Variants in EPHA8 observed in about 807,000 individuals in gnomAD.
The protein encoded by EPHA8 is EPH receptor A8.
Under a neutral mutation model 103.6 loss-of-function variants are expected in EPHA8, and 58 were observed. That is an observed-to-expected ratio of 0.56 (90% confidence interval 0.45 to 0.70). The LOEUF is 0.70. EPHA8 is among the 30% of genes least tolerant of loss of function. The pLI, the probability that EPHA8 is intolerant of heterozygous loss-of-function variation, is 0.00. For synonymous variants in EPHA8, 559 were observed against 572.5 expected (o/e 0.98, Z 0.34); for missense variants, 1,304 against 1,395.2 (o/e 0.93, Z 1.04).
intron 7 of EPHA8, 24 bp from the exon 8 acceptor site, chr1:22,595,206 C>G: frequency 6.3e-7 from 1 of 1,593,628 alleles, no homozygotes; most frequent in Non-Finnish European, 8.6e-7. Flanking sequence ...AGCCTGGTCC[C>G]CCAACCCTGG....
Position 22,598,955 on chromosome 1 carries a change from G to A in EPHA8, c.2296G>A (p.Val766Ile), listed in dbSNP as rs370473123. The A allele has an allele frequency of 4.2e-5, 67 of 1,611,160 alleles. No individual in the cohort carries two copies. The highest frequency in any genetic ancestry group is 8.1e-5 in the African/African-American group (6 of 74,398). Residue 766 changes from valine to isoleucine, a missense_variant, in exon 13 of 17, where the codon GTC becomes ATC. Val to Ile is a conservative substitution (Grantham distance 29, BLOSUM62 3). Coordinates refer to ENST00000166244, the MANE Select transcript of EPHA8 (RefSeq NM_020526.5). The surrounding 1 kb of genome is among the most constrained non-coding windows in gnomAD (Gnocchi z 5.1). The part of the protein sequence containing the change: ...YVHRDLAARN[V>I]LVDSNLVCKV... Reference sequence around the variant, plus strand: ...CCACCGAGACCTGGCCGCCCGCAACGTCCTGGTTGACAGCAACCTGGTCTG... The same window carrying A: ...CCACCGAGACCTGGCCGCCCGCAACATCCTGGTTGACAGCAACCTGGTCTG...
intron 3 of EPHA8, among the ~76,000 whole-genome samples, chr1:22,578,348 GTA>G (rs1462428956): frequency 1.5e-3 from 224 of 150,822 alleles, no homozygotes; most frequent in African/African-American, 4.8e-3. Context: ...ATGCATGTGT[GTA>G]TGTGTGCGTG....
chr1:22,594,898 G>A (rs1257002254), intron 7 of EPHA8, among the ~76,000 whole-genome samples: 7 of 152,200 alleles, frequency 4.6e-5, no homozygotes, highest in African/African-American at 9.7e-5. Flanking sequence ...AGCACACTCC[G>A]TGTTGTCACT....
chr1:22,567,540 T>C lies in EPHA8; in HGVS notation c.95-1749T>C, dbSNP rs1490501760. Among the ~76,000 whole-genome samples, 3 of 151,942 alleles carry C rather than the reference T, an allele frequency of 2.0e-5. No homozygotes were observed. Among genetic ancestry groups the C allele is most frequent in the African/African-American group, 7.3e-5 (3 of 41,362 alleles). On this transcript the variant is annotated intron_variant, in intron 1 of 16. Transcript: ENST00000166244. This position sits in a 1 kb window ranked among gnomAD's most constrained non-coding sequence, Gnocchi z 4.2. ...TGGCCCCTGGGGACCCAGGGAGGAA[T>C]GCAGGGAGGAGCGCGGAGACCCCCT...
Position 22,578,658 on chromosome 1 carries a change from TGA to T in EPHA8, c.823+1780_823+1781del, listed in dbSNP as rs1489040948. Among the ~76,000 whole-genome samples, 888 of 151,644 alleles carry T rather than the reference TGA, an allele frequency of 5.9e-3. 6 individuals carry two copies. Among genetic ancestry groups the T allele is most frequent in the African/African-American group, 0.019 (796 of 41,282 alleles). On this transcript the variant is annotated intron_variant, in intron 3 of 16. Transcript: ENST00000166244. The stretch of plus-strand genomic sequence containing the variant: ...GTGTGTATGTGTATGTGTGTGCATG[TGA>T]GTGTATGTATGCATTTGTGCATGAG...
At chr1:22,575,727 C>G (rs1374000757) in intron 2 of EPHA8, among the ~76,000 whole-genome samples, 1 of 152,122 alleles carries the variant, frequency 6.6e-6, no homozygotes, top group East Asian at 1.9e-4. Flanking sequence ...CAGGCAATCA[C>G]TCAACAAGCA....
At position 22,579,199 on chromosome 1, in the gene EPHA8, A is replaced by G. The variant is rs199539182; in HGVS notation, c.823+2319A>G. Among the ~76,000 whole-genome samples the G allele has an allele frequency of 1.6e-4, 21 of 133,538 alleles. No homozygotes were observed. In the East Asian group the frequency reaches 2.1e-3, roughly 13 times the overall value. 87.6% of individuals were successfully genotyped at this position (133,538 alleles called of 152,430 possible). On this transcript the variant is annotated intron_variant, in intron 3 of 16. Coordinates refer to ENST00000166244, the MANE Select transcript of EPHA8 (RefSeq NM_020526.5). Reference sequence around the variant, plus strand: ...TGCATGTGTGCGTGAATATATGTGTACCTGTGTGCATGTGTGTGTATGTAT... The same window carrying G: ...TGCATGTGTGCGTGAATATATGTGTGCCTGTGTGCATGTGTGTGTATGTAT...
Position 22,598,990 on chromosome 1 carries a change from T to C in EPHA8, c.2331T>C (p.Ser777=). 6.2e-7 allele frequency: 1 copy of C among 1,611,648 alleles called. No homozygotes were observed. The highest frequency in any genetic ancestry group is 1.7e-4 in the Middle Eastern group (1 of 6,058). The part of the protein sequence containing the change: ...LVDSNLVCKV[S]DFGLSRVLED... ...ACAGCAACCTGGTCTGCAAGGTGTC[T>C]GACTTCGGGCTCTCACGGGTGCTGG... Residue 777 remains serine, a synonymous_variant, in exon 13 of 17, where the codon TCT becomes TCC. Transcript: ENST00000166244. The surrounding 1 kb of genome is among the most constrained non-coding windows in gnomAD (Gnocchi z 5.1).
chr1:22,580,152 TTTG>T (rs1343401954), intron 3 of EPHA8, among the ~76,000 whole-genome samples: 31 of 83,034 alleles, frequency 3.7e-4, no homozygotes, highest in African/African-American at 8.9e-4. Context: ...TTTTTTTTTT[TTTG>T]GAGACGGAGT....
chr1:22,591,294 G>A lies in EPHA8; in HGVS notation c.1316-2032G>A, dbSNP rs115536455. ...TGCTGGAGTGTGGTGGCACAATCAC[G>A]GCTCACTGCAGTCTTGATCTCCGGA... On this transcript the variant is annotated intron_variant, in intron 5 of 16. Coordinates refer to ENST00000166244, the MANE Select transcript of EPHA8 (RefSeq NM_020526.5). 8.0e-3 allele frequency among the ~76,000 whole-genome samples: 1,217 copies of A among 152,180 alleles called. 10 individuals carry two copies. The highest frequency in any genetic ancestry group is 0.027 in the African/African-American group (1,132 of 41,512).
At chr1:22,571,207 C>A (rs1309166753) in intron 2 of EPHA8, among the ~76,000 whole-genome samples, 1 of 152,086 alleles carries the variant, frequency 6.6e-6, no homozygotes, top group Non-Finnish European at 1.5e-5. Flanking sequence ...TCATGCGGGG[C>A]GCTATAATGC....
rs117379243 is a variant in EPHA8 at position 22,597,530 on chromosome 1, C to T, written c.1930+54C>T. The T allele has an allele frequency of 5.2e-4, 828 of 1,588,066 alleles. 4 individuals are homozygous for T. In the East Asian group the frequency reaches 0.016, roughly 30 times the overall value. On this transcript the variant is annotated intron_variant, in intron 10 of 16. Coordinates refer to ENST00000166244, the MANE Select transcript of EPHA8 (RefSeq NM_020526.5). The surrounding 1 kb of genome is among the most constrained non-coding windows in gnomAD (Gnocchi z 4.6). The stretch of plus-strand genomic sequence containing the variant: ...CCAGCATGGGGCAAGGTGGGGGCAC[C>T]CAGGGCAAGGTGGGGGCACCCAGGG...
intron 1 of EPHA8, among the ~76,000 whole-genome samples, chr1:22,565,549 C>T (rs915018091): frequency 2.0e-5 from 3 of 152,294 alleles, no homozygotes; most frequent in South Asian, 2.1e-4. Flanking sequence ...GCCCCTCCAT[C>T]GAGGCGCTGG....
intron 5 of EPHA8, among the ~76,000 whole-genome samples, chr1:22,590,411 G>A (rs138749805): frequency 2.0e-4 from 30 of 152,276 alleles, no homozygotes; most frequent in Non-Finnish European, 3.8e-4. Context: ...CTCTCTGTCC[G>A]TGCCTGGCGT....
rs765226521 is a variant in EPHA8 at position 22,600,215 on chromosome 1, G to GAA, written c.2389-446_2389-445insAA. 7.3e-4 allele frequency among the ~76,000 whole-genome samples: 100 copies of GAA among 137,290 alleles called. 2 individuals carry two copies. Among genetic ancestry groups the GAA allele is most frequent in the Non-Finnish European group, 1.3e-3 (83 of 61,804 alleles). The allele number at this position is 137,290 out of a possible 152,430, so 90.1% of individuals were successfully genotyped here. On this transcript the variant is annotated intron_variant, in intron 13 of 16. Coordinates refer to ENST00000166244, the MANE Select transcript of EPHA8 (RefSeq NM_020526.5). ...AAGGAAAGGAGGGAGGGAGGAAGGT[G>GAA]GGAGGGAAAGAAGAAAGGAGGGAAG... is the stretch of plus-strand genomic sequence containing the variant.
intron 3 of EPHA8, among the ~76,000 whole-genome samples, chr1:22,577,815 TGTGTGTGCATGTGTGC>T (rs1233500568): frequency 6.8e-6 from 1 of 147,292 alleles, no homozygotes; most frequent in African/African-American, 2.5e-5. Flanking sequence ...TATGTGTGCA[TGTGTGTGCATGTGTGC>T]GTGTGTGCAT....
Position 22,586,541 on chromosome 1 carries a change from C to T in EPHA8, c.885C>T (p.Pro295=), listed in dbSNP as rs1183661597. The T allele has an allele frequency of 6.2e-7, 1 of 1,613,884 alleles. No individual in the cohort carries two copies. Among genetic ancestry groups the T allele is most frequent in the Non-Finnish European group, 8.5e-7 (1 of 1,179,958 alleles). The change falls in exon 4 of 17, where the codon CCC becomes CCT. Residue 295 remains proline (P), a synonymous_variant. Coordinates refer to ENST00000166244, the MANE Select transcript of EPHA8 (RefSeq NM_020526.5). ...ACCAGCTGTGTGCCCGCTGCCCTCC[C>T]CACAGCCACTCCGCAGCTCCAGCCG... ...PGDQLCARCP[P]HSHSAAPAAQ... is the part of the protein sequence containing the mutation.
chr1:22,568,642 C>T (rs1303965546), intron 1 of EPHA8, among the ~76,000 whole-genome samples: 3 of 152,210 alleles, frequency 2.0e-5, no homozygotes, highest in Non-Finnish European at 4.4e-5. Flanking sequence ...ATAGTGGGTG[C>T]CCACTAAGAG....
At chr1:22,601,505 G>A (rs372738365) in intron 16 of EPHA8, 32 bp downstream of exon 16, 86 of 1,606,148 alleles carry the variant, frequency 5.4e-5, no homozygotes, top group East Asian at 2.0e-4. Flanking sequence ...GGCCCCATGC[G>A]TGTGGGGGCA....
Sources: gnomAD v4.1 joint callset for allele counts (sites outside exome capture counted in the v4.1 genomes callset) on GRCh38, gnomAD v4.1.1 for gene constraint, Gnocchi (gnomAD v3.1) non-coding constraint, MANE v1.5 for transcripts, NCBI Gene and HGNC (gene_info 2026-07-23, HGNC 2026-07-21) for gene names.